HECW2: variants seen among roughly 807,000 people sequenced by gnomAD.
The protein encoded by HECW2 is E3 ubiquitin-protein ligase HECW2.
Under a neutral mutation model 175.2 loss-of-function variants are expected in HECW2, and 61 were observed. That is an observed-to-expected ratio of 0.35 (90% CI 0.28 to 0.43). The LOEUF (loss-of-function observed/expected upper bound fraction) is 0.43. Among genes scored for constraint, HECW2 ranks in the 20% least tolerant of loss-of-function variants. The probability of loss-of-function intolerance (pLI) is 1.00; values close to 1 mark genes in which losing one functional copy is unlikely to be tolerated. For missense variants in HECW2, 1,524 were observed against 2,000.5 expected (o/e 0.76, Z 4.54); for synonymous variants, 671 against 731.0 (o/e 0.92, Z 1.32).
Position 196,348,418 on chromosome 2 carries a change from G to A in HECW2, c.293-4654C>T, listed in dbSNP as rs562157344. Among the ~76,000 whole-genome samples the A allele has an allele frequency of 2.0e-5, 3 of 152,222 alleles. No homozygotes were observed. In the South Asian group the frequency reaches 6.2e-4, roughly 32 times the overall value. ...AACACTTCAGTAGGACAAGATAGGAGGATTGCTTGAGGCCAGAAGTTTGAG... is the reference window on the plus strand; with the variant it reads ...AACACTTCAGTAGGACAAGATAGGAAGATTGCTTGAGGCCAGAAGTTTGAG... On this transcript the variant is annotated intron_variant, in intron 2 of 28. Coordinates refer to ENST00000644978, the MANE Select transcript of HECW2 (RefSeq NM_001348768.2).
chr2:196,405,543 G>GC (rs1435308012), intron 2 of HECW2, among the ~76,000 whole-genome samples: 1 of 152,080 alleles, frequency 6.6e-6, no homozygotes, highest in African/African-American at 2.4e-5. Flanking sequence ...TGGATGAAAT[G>GC]TCTCTGCTCC....
intron 1 of HECW2, among the ~76,000 whole-genome samples, chr2:196,469,604 A>G (rs1198116288): frequency 6.6e-6 from 1 of 152,096 alleles, no homozygotes; most frequent in Non-Finnish European, 1.5e-5. Flanking sequence ...TGATCTTGAG[A>G]TAGAGGTTAT....
chr2:196,413,568 C>G (rs1362327245), intron 2 of HECW2, among the ~76,000 whole-genome samples: 2 of 152,170 alleles, frequency 1.3e-5, no homozygotes, highest in Admixed American at 1.3e-4. Context: ...TGGTCTCAAA[C>G]TCCTGACCTC....
In HECW2 at chr2:196,497,860, G is replaced by A. The variant is rs368991434; in HGVS notation, c.-35-64402C>T. On this transcript the variant is annotated intron_variant, in intron 1 of 28. Transcript: ENST00000644978. The stretch of plus-strand genomic sequence containing the variant: ...GGGCAAGAAGCATCTAGACAGACAG[G>A]GCTTTCTGGGTTTCCCCACTCAGTC... 9.9e-5 allele frequency among the ~76,000 whole-genome samples: 15 copies of A among 152,282 alleles called. No individual in the cohort carries two copies. In the East Asian group the frequency reaches 2.9e-3, roughly 29 times the overall value.
chr2:196,367,332 T>C lies in HECW2; in HGVS notation c.293-23568A>G, dbSNP rs142507207. On this transcript the variant is annotated intron_variant, in intron 2 of 28. Coordinates refer to ENST00000644978, the MANE Select transcript of HECW2 (RefSeq NM_001348768.2). ...TAGGTATAGGATGGGTCTTAGGCGT[T>C]TGCATTTTTTAATTTTTAATTGTTG... Among the ~76,000 whole-genome samples, 162 of 152,310 alleles carry C rather than the reference T, an allele frequency of 1.1e-3. 1 individual carries two copies. Among genetic ancestry groups the C allele is most frequent in the African/African-American group, 3.8e-3 (157 of 41,564 alleles).
chr2:196,475,676 C>T (rs2125361665), intron 1 of HECW2, among the ~76,000 whole-genome samples: 1 of 152,350 alleles, frequency 6.6e-6, no homozygotes. Flanking sequence ...GACAGGATCT[C>T]TTTCTAAAGC....
chr2:196,539,785 A>C (rs1689150094), intron 1 of HECW2, among the ~76,000 whole-genome samples: 1 of 152,250 alleles, frequency 6.6e-6, no homozygotes, highest in African/African-American at 2.4e-5. Flanking sequence ...TCTGAATATA[A>C]GATAGGTTCA....
intron 11 of HECW2, 64 bp from the exon 12 acceptor site, chr2:196,307,297 C>T (rs186639060): frequency 1.8e-6 from 2 of 1,114,258 alleles, no homozygotes; most frequent in Admixed American, 3.4e-5. Context: ...AACTGCTCCC[C>T]AAGAGTCTAG....
chr2:196,473,255 C>A (rs1272479418), intron 1 of HECW2, among the ~76,000 whole-genome samples: 2 of 152,138 alleles, frequency 1.3e-5, no homozygotes, highest in Admixed American at 1.3e-4. Context: ...AAGTGGAGTG[C>A]ATTGGGCCAC....
intron 1 of HECW2, among the ~76,000 whole-genome samples, chr2:196,449,283 C>T (rs1270313710): frequency 6.6e-6 from 1 of 152,138 alleles, no homozygotes; most frequent in African/African-American, 2.4e-5. Context: ...TGTGGTCTTC[C>T]CCACCTCTGT....
intron 11 of HECW2, 33 bp downstream of exon 11, chr2:196,307,902 A>G: frequency 6.8e-7 from 1 of 1,473,098 alleles, no homozygotes; most frequent in Non-Finnish European, 9.1e-7. Flanking sequence ...CAACCACAAA[A>G]TACAACAGTC....
intron 17 of HECW2, among the ~76,000 whole-genome samples, chr2:196,269,926 G>T (rs1422609621): frequency 6.6e-6 from 1 of 152,148 alleles, no homozygotes; most frequent in Non-Finnish European, 1.5e-5. Flanking sequence ...TTTCTGGGTA[G>T]GGCATGGGAG....
At chr2:196,584,020 A>G (rs1575698383) in intron 1 of HECW2, among the ~76,000 whole-genome samples, 1 of 152,216 alleles carries the variant, frequency 6.6e-6, no homozygotes, top group East Asian at 1.9e-4. Flanking sequence ...AACTCCTCCT[A>G]TAAGATACTT....
chr2:196,452,010 A>G (rs916857464), intron 1 of HECW2, among the ~76,000 whole-genome samples: 3 of 152,222 alleles, frequency 2.0e-5, no homozygotes, highest in African/African-American at 7.2e-5. Context: ...ATCAAATACT[A>G]TAGTGTTGTA....
chr2:196,496,124 T>C (rs1308614625), intron 1 of HECW2, among the ~76,000 whole-genome samples: 1 of 152,098 alleles, frequency 6.6e-6, no homozygotes, highest in Non-Finnish European at 1.5e-5. Context: ...AGTACAGAGG[T>C]TGAAAATACT....
rs544947210 is a variant in HECW2 at position 196,279,986 on chromosome 2, CTGTT to C, written c.3001-1328_3001-1325del. 2.0e-5 allele frequency among the ~76,000 whole-genome samples: 3 copies of C among 152,128 alleles called. No homozygotes were observed. The South Asian group carries it at 6.2e-4, about 31-fold the overall frequency. ...ACAATGTAGCAAAGCATTTTTTGGT[CTGTT>C]TGTTTAATTCTAAAACTATACAAGT... On this transcript the variant is annotated intron_variant, in intron 14 of 28. Coordinates refer to ENST00000644978, the MANE Select transcript of HECW2 (RefSeq NM_001348768.2).
At chr2:196,533,476 T>G (rs78509568) in intron 1 of HECW2, among the ~76,000 whole-genome samples, 19,578 of 150,838 alleles carry the variant, frequency 0.13, 2,179 homozygotes, top group African/African-American at 0.31. Context: ...TTTGTGTGTG[T>G]GGGGGGGTAT....
chr2:196,486,725 G>A (rs1156341565), intron 1 of HECW2, among the ~76,000 whole-genome samples: 1 of 152,088 alleles, frequency 6.6e-6, no homozygotes, highest in African/African-American at 2.4e-5. Flanking sequence ...ACAAAGACTG[G>A]GACCCGGCAT....
rs149646667 is a variant in HECW2, at chr2:196,448,930, A to G, written c.-35-15472T>C. Among the ~76,000 whole-genome samples, 11 of 152,240 alleles carry G rather than the reference A, an allele frequency of 7.2e-5. No homozygotes were observed. The South Asian group carries it at 1.7e-3, about 23-fold the overall frequency. On this transcript the variant is annotated intron_variant, in intron 1 of 28. Transcript: ENST00000644978. The stretch of plus-strand genomic sequence containing the variant: ...TCTCTCACTATCCATTTTTTGGGGG[A>G]AAAAATAATAAGTATTTGGATGTCT...
Sources: allele counts gnomAD v4.1 joint callset (sites outside exome capture counted in the v4.1 genomes callset), GRCh38; gene constraint gnomAD v4.1.1; transcripts MANE v1.5; gene names NCBI Gene and HGNC (gene_info 2026-07-23, HGNC 2026-07-21).